LDAF1: variants seen among roughly 807,000 people sequenced by gnomAD.
LDAF1 encodes the protein lipid droplet assembly factor 1.
A neutral mutation model predicts 13.5 loss-of-function variants in LDAF1; 7 were observed. The observed-to-expected ratio is 0.52, with a 90% CI of 0.29 to 0.97. LDAF1 has a LOEUF of 0.97. LDAF1 is among the 50% of genes least tolerant of loss of function. LDAF1 has a pLI of 0.07. For missense variants in LDAF1, 148 were observed against 193.2 expected (o/e 0.77, Z 1.39); for synonymous variants, 69 against 77.1 (o/e 0.89, Z 0.55).
Position 21,170,695 on chromosome 16 carries a change from G to A in LDAF1, c.265+90G>A, listed in dbSNP as rs146876450. ...CCATTTAAAAATTTTTTTAAGGGGC[G>A]GGGTCTTGTTATGTTGCCCAGGCTG... On this transcript the variant is annotated intron_variant, in intron 3 of 4. Transcript: ENST00000233047. 13,829 of 1,495,170 alleles carry A rather than the reference G, an allele frequency of 9.2e-3. 88 individuals carry two copies. Among genetic ancestry groups the A allele is most frequent in the Non-Finnish European group, 0.011 (12,470 of 1,089,674 alleles). The allele number at this position is 1,495,170 out of a possible 1,614,324, so 92.6% of individuals were successfully genotyped here.
Position 21,161,244 on chromosome 16 carries a change from C to T in LDAF1, c.62C>T (p.Ser21Phe). 10 of 1,614,232 alleles carry T rather than the reference C, an allele frequency of 6.2e-6. No individual in the cohort carries two copies. The highest frequency in any genetic ancestry group is 8.5e-6 in the Non-Finnish European group (10 of 1,180,038). Reference protein sequence around the residue: ...RDLQELQKKLSLLIDSFQNNS... With the variant: ...RDLQELQKKLFLLIDSFQNNS... ...TTGCAGGAACTGCAGAAGAAGCTGTCTCTGCTGATAGACTCCTTCCAGAAT... is the reference window on the plus strand; with the variant it reads ...TTGCAGGAACTGCAGAAGAAGCTGTTTCTGCTGATAGACTCCTTCCAGAAT... The change falls in exon 2 of 5, where the codon TCT becomes TTT. Residue 21 changes from serine to phenylalanine, a missense_variant. Coordinates refer to ENST00000233047, the MANE Select transcript of LDAF1 (RefSeq NM_001301771.2).
chr16:21,174,270 G>A, intron 4 of LDAF1, 122 bp downstream of exon 4: 2 of 882,606 alleles, frequency 2.3e-6, no homozygotes, highest in South Asian at 2.0e-5. Context: ...GCTCGCTACA[G>A]CCTCAACCTC....
chr16:21,176,949 T>C (rs2093144159), intron 4 of LDAF1, among the ~76,000 whole-genome samples: 3 of 151,888 alleles, frequency 2.0e-5, no homozygotes, highest in Non-Finnish European at 2.9e-5. Context: ...TAAAAAATTT[T>C]CTTCCTCATT....
rs943149148 is a variant in LDAF1 at position 21,170,594 on chromosome 16, T to C, written c.254T>C (p.Ile85Thr). 6.2e-7 allele frequency: 1 copy of C among 1,614,078 alleles called. No individual in the cohort carries two copies. The highest frequency in any genetic ancestry group is 8.5e-7 in the Non-Finnish European group (1 of 1,180,042). The change falls in exon 3 of 5, where the codon ATA (isoleucine) becomes ACA (threonine). Residue 85 changes from isoleucine to threonine, a missense_variant. Coordinates refer to ENST00000233047, the MANE Select transcript of LDAF1 (RefSeq NM_001301771.2). ...ACCCTGGCTGCTCTGCTGGGGGTCA[T>C]AATATTGGAAGGTAGCCTGTTCCGT... Reference protein sequence around the residue: ...LTTLAALLGVIILEGLVISVG... With the variant: ...LTTLAALLGVTILEGLVISVG...
Position 21,179,720 on chromosome 16 carries a change from T to C in LDAF1, c.*164T>C. 1 of 596,130 alleles carries C rather than the reference T, an allele frequency of 1.7e-6. No individual in the cohort carries two copies. Among genetic ancestry groups the C allele is most frequent in the Non-Finnish European group, 2.9e-6 (1 of 340,732 alleles). 36.9% of individuals were successfully genotyped at this position (596,130 alleles called of 1,614,324 possible). A position where few individuals can be genotyped will look rare whatever the true frequency, so the allele number is the denominator to read the frequency against. ...ATCCCGCAGCAGCCAATTTAGGGAT[T>C]GTGTTGTTCTTGTGTTGGTTCCCAT... On this transcript the variant is annotated 3_prime_UTR_variant, in exon 5 of 5. Coordinates refer to ENST00000233047, the MANE Select transcript of LDAF1 (RefSeq NM_001301771.2).
Position 21,173,990 on chromosome 16 carries a change from T to G in LDAF1, c.266-20T>G. ...ACCTGTTTGAGATGAACCCTTCTCC[T>G]AACCACGTTCTCCTCCTAGGATTGG... is the stretch of plus-strand genomic sequence containing the variant. On this transcript the variant is annotated intron_variant, in intron 3 of 4. Transcript: ENST00000233047. 1.2e-6 allele frequency: 2 copies of G among 1,606,790 alleles called. No homozygotes were observed. Among genetic ancestry groups the G allele is most frequent in the Non-Finnish European group, 1.7e-6 (2 of 1,177,258 alleles).
intron 1 of LDAF1, chr16:21,159,251 C>CT: frequency 7.7e-7 from 1 of 1,306,258 alleles, no homozygotes; most frequent in Non-Finnish European, 1.1e-6. Flanking sequence ...AAATTAATAA[C>CT]TAAGTACTCG....
At chr16:21,170,991 G>A (rs1047561400) in intron 3 of LDAF1, among the ~76,000 whole-genome samples, 6 of 152,156 alleles carry the variant, frequency 3.9e-5, no homozygotes, top group African/African-American at 1.4e-4. Flanking sequence ...TCAAAAGGTT[G>A]TTGTGAAGAT....
At chr16:21,168,181 A>T (rs2152845141) in intron 2 of LDAF1, among the ~76,000 whole-genome samples, 1 of 151,850 alleles carries the variant, frequency 6.6e-6, no homozygotes, top group South Asian at 2.1e-4. Flanking sequence ...TGCCTGGCTG[A>T]TTTTTGTATG....
At chr16:21,176,053 A>C (rs2093136065) in intron 4 of LDAF1, among the ~76,000 whole-genome samples, 1 of 152,178 alleles carries the variant, frequency 6.6e-6, no homozygotes, top group Non-Finnish European at 1.5e-5. Flanking sequence ...CCCAGTCTTA[A>C]AAGATGTAAA....
chr16:21,168,694 T>A (rs1404303358), intron 2 of LDAF1, among the ~76,000 whole-genome samples: 1 of 134,070 alleles, frequency 7.5e-6, no homozygotes, highest in Non-Finnish European at 1.5e-5. Flanking sequence ...ATTACAATTA[T>A]ATTTTTATAT....
At chr16:21,171,821 T>G (rs982502344) in intron 3 of LDAF1, among the ~76,000 whole-genome samples, 1 of 151,848 alleles carries the variant, frequency 6.6e-6, no homozygotes, top group Non-Finnish European at 1.5e-5. Context: ...CACTGCAACC[T>G]CTGCCACCCA....
intron 1 of LDAF1, among the ~76,000 whole-genome samples, chr16:21,160,609 T>C (rs2092960744): frequency 1.3e-5 from 2 of 152,224 alleles, no homozygotes; most frequent in African/African-American, 4.8e-5. Flanking sequence ...TGTGTTCAGC[T>C]TTCTTGCTTT....
At chr16:21,173,936 C>A in intron 3 of LDAF1, 74 bp from the exon 4 acceptor site, 1 of 1,438,480 alleles carries the variant, frequency 7.0e-7, no homozygotes, top group Non-Finnish European at 9.3e-7. Context: ...TTATTTTAAA[C>A]AGACTGACCC....
Position 21,179,738 on chromosome 16 carries a change from G to A in LDAF1, c.*182G>A. On this transcript the variant is annotated 3_prime_UTR_variant, in exon 5 of 5. Transcript: ENST00000233047. ...TAGGGATTGTGTTGTTCTTGTGTTG[G>A]TTCCCATGTAAAGAAGCAGCAGAGA... 1.8e-6 allele frequency: 1 copy of A among 564,598 alleles called. No homozygotes were observed. Among genetic ancestry groups the A allele is most frequent in the Non-Finnish European group, 3.1e-6 (1 of 318,992 alleles). 35.0% of individuals were successfully genotyped at this position (564,598 alleles called of 1,614,324 possible). A position where few individuals can be genotyped will look rare whatever the true frequency, so the allele number is the denominator to read the frequency against.
chr16:21,178,434 A>G, intron 4 of LDAF1: 1 of 974,606 alleles, frequency 1.0e-6, no homozygotes. Flanking sequence ...CAAATAATGA[A>G]AAAAACCAAA....
In LDAF1 at chr16:21,179,523, G is replaced by A; in HGVS notation, c.453G>A (p.Lys151=). The change falls in exon 5 of 5, where the codon AAG becomes AAA. Residue 151 remains lysine (K), a synonymous_variant. Coordinates refer to ENST00000233047, the MANE Select transcript of LDAF1 (RefSeq NM_001301771.2). ...NTSCDFLPAM[K]SAEFEGLYQE is the part of the protein sequence containing the mutation. ...GTTGTGACTTTCTGCCAGCCATGAAGTCTGCAGAATTCGAGGGGCTTTACC... is the reference window on the plus strand; with the variant it reads ...GTTGTGACTTTCTGCCAGCCATGAAATCTGCAGAATTCGAGGGGCTTTACC... The A allele has an allele frequency of 6.2e-7, 1 of 1,614,178 alleles. No individual in the cohort carries two copies. The highest frequency in any genetic ancestry group is 8.5e-7 in the Non-Finnish European group (1 of 1,180,026).
intron 2 of LDAF1, among the ~76,000 whole-genome samples, chr16:21,167,496 C>T (rs571444291): frequency 6.6e-6 from 1 of 152,356 alleles, no homozygotes; most frequent in African/African-American, 2.4e-5. Context: ...TGCGTTAAAG[C>T]AGTCTCCCTC....
In LDAF1 at chr16:21,170,640, A is replaced by G. The variant is rs765303142; in HGVS notation, c.265+35A>G. ...TCCGTCATTCACCCCTTTAGAAAAT[A>G]ATTCAATTGGGAGAAAAATACTTTT... On this transcript the variant is annotated intron_variant, in intron 3 of 4. Coordinates refer to ENST00000233047, the MANE Select transcript of LDAF1 (RefSeq NM_001301771.2). 13 of 1,610,650 alleles carry G rather than the reference A, an allele frequency of 8.1e-6. No individual in the cohort carries two copies. The South Asian group carries it at 1.3e-4, about 16-fold the overall frequency.
Sources: gnomAD v4.1 joint callset for allele counts (sites outside exome capture counted in the v4.1 genomes callset) on GRCh38, gnomAD v4.1.1 for gene constraint, MANE v1.5 for transcripts, NCBI Gene and HGNC (gene_info 2026-07-23, HGNC 2026-07-21) for gene names.